Variants in GRIN2A observed in about 807,000 individuals in gnomAD.
GRIN2A encodes glutamate receptor ionotropic, NMDA 2A.
A neutral mutation model predicts 113.4 loss-of-function variants in GRIN2A; 22 were observed. That is an observed-to-expected ratio of 0.19 (90% CI 0.14 to 0.28). The LOEUF is 0.28. Among genes scored for constraint, GRIN2A ranks in the 10% least tolerant of loss-of-function variants. GRIN2A has a pLI of 1.00. For synonymous variants in GRIN2A, 827 were observed against 738.4 expected (o/e 1.12, Z -1.94); for missense variants, 1,502 against 1,887.0 (o/e 0.80, Z 3.78).
chr16:9,883,962 A>G (rs2043537287), intron 4 of GRIN2A, among the ~76,000 whole-genome samples: 1 of 152,218 alleles, frequency 6.6e-6, no homozygotes, highest in Non-Finnish European at 1.5e-5. Flanking sequence ...TCTCTGGGGA[A>G]TAAAAGGCTT....
chr16:10,068,826 G>A (rs974253769), intron 2 of GRIN2A, among the ~76,000 whole-genome samples: 1 of 152,226 alleles, frequency 6.6e-6, no homozygotes, highest in African/African-American at 2.4e-5. Flanking sequence ...AAGCGACATT[G>A]AAGCAGAGAC....
At chr16:10,014,571 G>A (rs2046567591) in intron 2 of GRIN2A, among the ~76,000 whole-genome samples, 1 of 152,210 alleles carries the variant, frequency 6.6e-6, no homozygotes, top group African/African-American at 2.4e-5. Flanking sequence ...AGGACAGACA[G>A]AGGCATAAAT....
intron 2 of GRIN2A, among the ~76,000 whole-genome samples, chr16:10,007,819 A>G (rs2046431714): frequency 6.6e-6 from 1 of 152,186 alleles, no homozygotes; most frequent in Non-Finnish European, 1.5e-5. Context: ...GGAAGAAAAT[A>G]TGATTGACTT....
rs939261079 is a variant in GRIN2A, at chr16:9,758,571, A to G, written c.*4578T>C. On this transcript the variant is annotated 3_prime_UTR_variant, in exon 13 of 13. Transcript: ENST00000330684. ...TAACATAAACTTTACAATATGTACAATTTTATTTGGATAATACACTTACGT... is the reference window on the plus strand; with the variant it reads ...TAACATAAACTTTACAATATGTACAGTTTTATTTGGATAATACACTTACGT... 1.9e-5 allele frequency: 4 copies of G among 209,202 alleles called. No homozygotes were observed. Among genetic ancestry groups the G allele is most frequent in the African/African-American group, 6.8e-5 (3 of 43,958 alleles). The allele number at this position is 209,202 out of a possible 1,614,324, so 13.0% of individuals were successfully genotyped here. A position where few individuals can be genotyped will look rare whatever the true frequency, so the allele number is the denominator to read the frequency against.
At chr16:10,100,222 C>T (rs975183020) in intron 2 of GRIN2A, among the ~76,000 whole-genome samples, 4 of 152,138 alleles carry the variant, frequency 2.6e-5, no homozygotes, top group African/African-American at 9.7e-5. Context: ...ATTCCTATCA[C>T]CATAGCAACG....
intron 11 of GRIN2A, among the ~76,000 whole-genome samples, chr16:9,788,687 A>G (rs7194140): frequency 0.37 from 53,425 of 143,814 alleles, 10,335 homozygotes; most frequent in African/African-American, 0.52. Context: ...TCTTGTTCTC[A>G]TCTTCATCTT....
At chr16:9,995,188 C>T (rs1039398772) in intron 2 of GRIN2A, among the ~76,000 whole-genome samples, 1 of 152,070 alleles carries the variant, frequency 6.6e-6, no homozygotes, top group Non-Finnish European at 1.5e-5. Context: ...TGAGCTGAGG[C>T]CTGAATTATA....
intron 2 of GRIN2A, among the ~76,000 whole-genome samples, chr16:10,172,519 G>GAGTGA (rs750066465): frequency 2.4e-4 from 36 of 152,328 alleles, no homozygotes; most frequent in Non-Finnish European, 2.8e-4. Context: ...TAACATAAAT[G>GAGTGA]AGTGAAGTGA....
chr16:9,817,334 A>G (rs953945210), intron 10 of GRIN2A, among the ~76,000 whole-genome samples: 2 of 152,172 alleles, frequency 1.3e-5, no homozygotes, highest in African/African-American at 4.8e-5. Flanking sequence ...TTATTATAAT[A>G]AAGATTCACA....
chr16:10,144,829 G>A, intron 2 of GRIN2A, among the ~76,000 whole-genome samples: 1 of 145,526 alleles, frequency 6.9e-6, no homozygotes, highest in Non-Finnish European at 1.5e-5. Context: ...GCTGAGGTGG[G>A]AGAATTGCTT....
intron 2 of GRIN2A, among the ~76,000 whole-genome samples, chr16:9,938,889 A>G (rs2141634922): frequency 6.6e-6 from 1 of 152,220 alleles, no homozygotes; most frequent in Non-Finnish European, 1.5e-5. Context: ...CCCCCACCCC[A>G]GCTCATGACC....
chr16:9,905,471 T>C (rs1280140954), intron 3 of GRIN2A, among the ~76,000 whole-genome samples: 2 of 152,242 alleles, frequency 1.3e-5, no homozygotes, highest in Non-Finnish European at 2.9e-5. Context: ...GTGAAAATCT[T>C]AGCTAAAGGC....
At chr16:9,902,722 C>T (rs569347574) in intron 3 of GRIN2A, among the ~76,000 whole-genome samples, 9 of 151,976 alleles carry the variant, frequency 5.9e-5, no homozygotes, top group African/African-American at 9.6e-5. Context: ...TCCAACTCTA[C>T]AATATTTAAT....
In GRIN2A at chr16:9,754,793, A is replaced by T. The variant is rs2141107749; in HGVS notation, c.*8356T>A. 4.5e-6 allele frequency: 1 copy of T among 222,054 alleles called. No homozygotes were observed. Among genetic ancestry groups the T allele is most frequent in the African/African-American group, 2.2e-5 (1 of 44,854 alleles). 13.8% of individuals were successfully genotyped at this position (222,054 alleles called of 1,614,324 possible). A position where few individuals can be genotyped will look rare whatever the true frequency, so the allele number is the denominator to read the frequency against. On this transcript the variant is annotated 3_prime_UTR_variant, in exon 13 of 13. Coordinates refer to ENST00000330684, the MANE Select transcript of GRIN2A (RefSeq NM_001134407.3). Reference sequence around the variant, plus strand: ...CTATGATTGTTTTTCATGGAAAAAAAAAGACAATGTTTTCGTATTTCTGGA... The same window carrying T: ...CTATGATTGTTTTTCATGGAAAAAATAAGACAATGTTTTCGTATTTCTGGA...
At chr16:9,844,005 C>T (rs2042728143) in intron 5 of GRIN2A, among the ~76,000 whole-genome samples, 1 of 152,072 alleles carries the variant, frequency 6.6e-6, no homozygotes, top group African/African-American at 2.4e-5. Context: ...TCTTTCTGGT[C>T]GCTGTTGGCC....
At chr16:9,909,158 C>T (rs139325177) in intron 3 of GRIN2A, among the ~76,000 whole-genome samples, 122 of 152,168 alleles carry the variant, frequency 8.0e-4, no homozygotes, top group East Asian at 5.4e-3. Context: ...AGGGAGCAGG[C>T]AAAAAGAGTT....
rs753563502 is a variant in GRIN2A at position 9,949,551 on chromosome 16, GATGA to G, written c.415-11004_415-11001del. 2.7e-4 allele frequency among the ~76,000 whole-genome samples: 41 copies of G among 151,526 alleles called. 1 individual carries two copies. Among genetic ancestry groups the G allele is most frequent in the East Asian group, 1.6e-3 (8 of 5,134 alleles). On this transcript the variant is annotated intron_variant, in intron 2 of 12. Transcript: ENST00000330684. ...GAACAGATGGATGGATGGTTGGGAG[GATGA>G]ATGAATGAATGAATGGATGGATGAA...
chr16:9,888,821 A>G (rs1028468789), intron 4 of GRIN2A, among the ~76,000 whole-genome samples: 6 of 152,058 alleles, frequency 3.9e-5, no homozygotes, highest in African/African-American at 1.2e-4. Flanking sequence ...ATAACTGGAT[A>G]TTGAATTTTG....
chr16:9,825,151 G>T (rs1270268786), intron 9 of GRIN2A, among the ~76,000 whole-genome samples: 1 of 152,196 alleles, frequency 6.6e-6, no homozygotes, highest in African/African-American at 2.4e-5. Context: ...GGTTTCACCT[G>T]GCTTTGGACT....
Sources: gnomAD v4.1 joint callset for allele counts (sites outside exome capture counted in the v4.1 genomes callset) on GRCh38, gnomAD v4.1.1 for gene constraint, MANE v1.5 for transcripts, NCBI Gene and HGNC (gene_info 2026-07-23, HGNC 2026-07-21) for gene names.